Variants in MASTL observed in about 807,000 individuals in gnomAD.
MASTL encodes the protein microtubule associated serine/threonine kinase like.
Under a neutral mutation model 82.5 loss-of-function variants are expected in MASTL, and 54 were observed. That is an observed-to-expected ratio of 0.65 (90% CI 0.53 to 0.82). The LOEUF is 0.82. Ranked by LOEUF, MASTL falls within the 40% of genes least tolerant of loss-of-function variation. The pLI is 0.00. For missense variants in MASTL, 950 were observed against 1,047.8 expected, an observed-to-expected ratio of 0.91 and a Z score of 1.29; for synonymous variants, 323 against 368.9, an observed-to-expected ratio of 0.88 and a Z score of 1.43.
rs979032959 is a variant in MASTL, at chr10:27,159,632, T to C, written c.338T>C (p.Leu113Pro). 12 of 1,524,416 alleles carry C rather than the reference T, an allele frequency of 7.9e-6. No homozygotes were observed. Among genetic ancestry groups the C allele is most frequent in the Non-Finnish European group, 1.1e-5 (12 of 1,098,758 alleles). The allele number at this position is 1,524,416 out of a possible 1,614,324, so 94.4% of individuals were successfully genotyped here. The change falls in exon 3 of 12, where the codon CTT (leucine) becomes CCT (proline). Residue 113 changes from leucine (L) to proline (P), a missense_variant. Leu to Pro is a moderately conservative substitution (Grantham distance 98). Coordinates refer to ENST00000375940, the MANE Select transcript of MASTL (RefSeq NM_001172303.3). This position sits in a 1 kb window ranked among gnomAD's most constrained non-coding sequence, Gnocchi z 4.0. ...CTTTTTTGAAAGGTAATGGAATATC[T>C]TATTGGGGGAGATGTCAAGTCTCTC... ...ANNVYLVMEYLIGGDVKSLLH... is the reference protein window; with the variant it reads ...ANNVYLVMEYPIGGDVKSLLH...
intron 2 of MASTL, among the ~76,000 whole-genome samples, chr10:27,158,894 A>G (rs1043635904): frequency 2.0e-5 from 3 of 152,216 alleles, no homozygotes; most frequent in Non-Finnish European, 4.4e-5. Flanking sequence ...GTGTATGTGT[A>G]TGTATATGTA....
At chr10:27,169,577 A>AC (rs1188343371) in intron 7 of MASTL, among the ~76,000 whole-genome samples, 6 of 152,042 alleles carry the variant, frequency 3.9e-5, no homozygotes, top group Non-Finnish European at 7.4e-5. Flanking sequence ...CAAAAAAAAA[A>AC]AAAACAGAAT....
At chr10:27,183,012 TC>T (rs1442019791) in intron 11 of MASTL, among the ~76,000 whole-genome samples, 1 of 152,118 alleles carries the variant, frequency 6.6e-6, no homozygotes, top group Non-Finnish European at 1.5e-5. Flanking sequence ...ATACAGGAAA[TC>T]TTTTTTTATG....
intron 3 of MASTL, among the ~76,000 whole-genome samples, chr10:27,160,775 A>G (rs2057545935): frequency 6.6e-6 from 1 of 152,144 alleles, no homozygotes; most frequent in Non-Finnish European, 1.5e-5. Flanking sequence ...AAAGAAAAAA[A>G]AGAAAGTAAA....
chr10:27,172,737 T>G lies in MASTL; in HGVS notation c.2125-381T>G, dbSNP rs928917427. On this transcript the variant is annotated intron_variant, in intron 8 of 11. Transcript: ENST00000375940. ...TAGTACAATAGGTTATATGTAGTTC[T>G]GTCTTACGTGTTGTCTTAATCATTT... Among the ~76,000 whole-genome samples, 162 of 152,348 alleles carry G rather than the reference T, an allele frequency of 1.1e-3. 1 individual carries two copies. Among genetic ancestry groups the G allele is most frequent in the Non-Finnish European group, 2.1e-4 (14 of 68,032 alleles).
chr10:27,168,432 G>T (rs927037461), intron 7 of MASTL, among the ~76,000 whole-genome samples: 34 of 152,184 alleles, frequency 2.2e-4, no homozygotes, highest in African/African-American at 8.0e-4. Context: ...TATGATCAGA[G>T]GAATGATAAG....
At chr10:27,161,335 C>G (rs1345478141) in intron 4 of MASTL, among the ~76,000 whole-genome samples, 153 bp downstream of exon 4, 2 of 151,896 alleles carry the variant, frequency 1.3e-5, no homozygotes, top group Admixed American at 1.3e-4. Context: ...TGGCAAAACC[C>G]CATCTCTACT....
intron 6 of MASTL, 112 bp downstream of exon 6, chr10:27,165,651 C>T: frequency 2.4e-6 from 3 of 1,267,388 alleles, no homozygotes; most frequent in South Asian, 2.5e-5. Context: ...CTTACTCTGT[C>T]ATCCAGGCTG....
chr10:27,173,024 T>C (rs6482600), intron 8 of MASTL, 94 bp from the exon 9 acceptor site: 24 of 1,446,618 alleles, frequency 1.7e-5, no homozygotes, highest in Non-Finnish European at 2.2e-5. Flanking sequence ...TAGTAGCCTA[T>C]GAGCTAGTTA....
At chr10:27,171,775 C>A (rs1279991837) in intron 8 of MASTL, among the ~76,000 whole-genome samples, 1 of 145,066 alleles carries the variant, frequency 6.9e-6, no homozygotes, top group African/African-American at 2.5e-5. Flanking sequence ...CTTCCAAGGA[C>A]ATATTTAGAT....
intron 4 of MASTL, among the ~76,000 whole-genome samples, chr10:27,162,714 G>A (rs1333285574): frequency 4.6e-5 from 7 of 151,880 alleles, no homozygotes; most frequent in African/African-American, 1.2e-4. Context: ...AAGTGTAGAC[G>A]GATGGGAAAG....
intron 8 of MASTL, 82 bp downstream of exon 8, chr10:27,171,165 G>A: frequency 1.7e-6 from 2 of 1,199,562 alleles, no homozygotes. Flanking sequence ...GCTAGACTAT[G>A]CGGTATTAAT....
intron 6 of MASTL, among the ~76,000 whole-genome samples, chr10:27,166,778 G>A (rs1370723368): frequency 1.3e-5 from 2 of 152,024 alleles, no homozygotes; most frequent in Non-Finnish European, 1.5e-5. Flanking sequence ...TCAATCAATC[G>A]ACCATTCCCT....
In MASTL at chr10:27,186,924, G is replaced by C. The variant is rs909035026; in HGVS notation, c.*388G>C. 1.2e-5 allele frequency: 3 copies of C among 245,032 alleles called. No homozygotes were observed. Among genetic ancestry groups the C allele is most frequent in the African/African-American group, 6.9e-5 (3 of 43,254 alleles). The allele number at this position is 245,032 out of a possible 1,614,324, so 15.2% of individuals were successfully genotyped here. On this transcript the variant is annotated 3_prime_UTR_variant, in exon 12 of 12. Transcript: ENST00000375940. ...ATAAAATAATCATACAGTTCCATTT[G>C]ATTGTAATTTACTTGCATATGATTA...
In MASTL at chr10:27,170,636, T is replaced by TA; in HGVS notation, c.1678dup (p.Arg560LysfsTer4). ...CTAGTTTTCTATGTTCTGATGATGA[T>TA]AGAGCTTCTAAAAATATTTCTATGA... is the stretch of plus-strand genomic sequence containing the variant. On this transcript the variant is annotated frameshift_variant, in exon 8 of 12. Coordinates refer to ENST00000375940, the MANE Select transcript of MASTL (RefSeq NM_001172303.3). LOFTEE classifies it high-confidence loss of function. 6.2e-7 allele frequency: 1 copy of TA among 1,607,936 alleles called. No individual in the cohort carries two copies. The highest frequency in any genetic ancestry group is 1.1e-5 in the South Asian group (1 of 89,530).
chr10:27,155,632 C>G lies in MASTL; in HGVS notation c.186+20C>G, dbSNP rs1358639285. 1.2e-6 allele frequency: 2 copies of G among 1,613,760 alleles called. No individual in the cohort carries two copies. The highest frequency in any genetic ancestry group is 1.7e-6 in the Non-Finnish European group (2 of 1,179,716). On this transcript the variant is annotated intron_variant, in intron 1 of 11. Coordinates refer to ENST00000375940, the MANE Select transcript of MASTL (RefSeq NM_001172303.3). ...GTAAAGGTAGGAAGTCAACGAGTAGCAAGGAAGGGGTTAGGCCCTTCGGCC... is the reference window on the plus strand; with the variant it reads ...GTAAAGGTAGGAAGTCAACGAGTAGGAAGGAAGGGGTTAGGCCCTTCGGCC...
chr10:27,173,027 G>A, intron 8 of MASTL, 91 bp from the exon 9 acceptor site: 1 of 1,470,308 alleles, frequency 6.8e-7, no homozygotes, highest in South Asian at 1.2e-5. Context: ...TAGCCTATGA[G>A]CTAGTTATTT....
intron 9 of MASTL, among the ~76,000 whole-genome samples, chr10:27,177,147 A>G (rs1342287997): frequency 6.6e-6 from 1 of 152,080 alleles, no homozygotes; most frequent in Non-Finnish European, 1.5e-5. Context: ...ACACCCAGCC[A>G]AGAGTGTGAG....
chr10:27,177,924 G>T (rs2058152034), intron 9 of MASTL: 2 of 258,088 alleles, frequency 7.7e-6, no homozygotes, highest in Non-Finnish European at 1.2e-5. Context: ...TAGCTCACTT[G>T]TGAAATACAA....
Sources: gnomAD v4.1 joint callset for allele counts (sites outside exome capture counted in the v4.1 genomes callset) on GRCh38, gnomAD v4.1.1 for gene constraint, Gnocchi (gnomAD v3.1) non-coding constraint, MANE v1.5 for transcripts, NCBI Gene and HGNC (gene_info 2026-07-23, HGNC 2026-07-21) for gene names.